Variants in WSB1 observed in about 807,000 individuals in gnomAD.
WSB1 encodes the protein WD repeat and SOCS box-containing protein 1.
In WSB1, 23 loss-of-function variants were observed where a neutral mutation model predicts 50.2. That is an observed-to-expected ratio of 0.46 (90% confidence interval 0.33 to 0.65). The LOEUF (loss-of-function observed/expected upper bound fraction) is 0.65. WSB1 is among the 30% of genes least tolerant of loss of function. The pLI is 0.02. For missense variants in WSB1, 492 were observed against 522.3 expected (o/e 0.94, Z 0.56); for synonymous variants, 179 against 172.0 (o/e 1.04, Z -0.32).
chr17:27,312,545 AG>A lies in WSB1; in HGVS notation c.*177del. On this transcript the variant is annotated 3_prime_UTR_variant, in exon 9 of 9. Transcript: ENST00000262394. ...TAAAATATTATTTATAGACAATAGA[AG>A]TATTTCTGAACATATCAAATATAAA... is the stretch of plus-strand genomic sequence containing the variant. The A allele has an allele frequency of 2.5e-6, 2 of 796,844 alleles. No homozygotes were observed. The highest frequency in any genetic ancestry group is 3.7e-6 in the Non-Finnish European group (2 of 533,486). The allele number at this position is 796,844 out of a possible 1,614,324, so 49.4% of individuals were successfully genotyped here.
At chr17:27,298,719 C>G (rs2017097317) in intron 1 of WSB1, among the ~76,000 whole-genome samples, 1 of 152,018 alleles carries the variant, frequency 6.6e-6, no homozygotes, top group Admixed American at 6.6e-5. Flanking sequence ...TAATAATTAG[C>G]CAGGCATGGT....
intron 1 of WSB1, among the ~76,000 whole-genome samples, chr17:27,298,837 C>T (rs990195720): frequency 6.6e-6 from 1 of 152,036 alleles, no homozygotes; most frequent in African/African-American, 2.4e-5. Flanking sequence ...GCACTCCAGC[C>T]TGGGCGACAG....
intron 1 of WSB1, among the ~76,000 whole-genome samples, chr17:27,296,604 A>G (rs1172498652): frequency 3.3e-5 from 5 of 152,216 alleles, no homozygotes; most frequent in Non-Finnish European, 7.3e-5. Context: ...TTCACAAGGC[A>G]CTGCCACAGA....
chr17:27,299,536 A>G lies in WSB1; in HGVS notation c.41-2252A>G, dbSNP rs943106178. 3.3e-5 allele frequency among the ~76,000 whole-genome samples: 5 copies of G among 152,212 alleles called. No individual in the cohort carries two copies. In the East Asian group the frequency reaches 5.8e-4, roughly 18 times the overall value. On this transcript the variant is annotated intron_variant, in intron 1 of 8. Coordinates refer to ENST00000262394, the MANE Select transcript of WSB1 (RefSeq NM_015626.10). The stretch of plus-strand genomic sequence containing the variant: ...AAAAAAACAAAGTTATGTGACGGCT[A>G]GTAAAGTTAATGTCATCTTATGCTG...
chr17:27,295,839 C>G (rs1286480556), intron 1 of WSB1, among the ~76,000 whole-genome samples: 2 of 132,860 alleles, frequency 1.5e-5, no homozygotes, highest in East Asian at 2.1e-4. Flanking sequence ...TTTTCTCTCT[C>G]TCTTTTTTTT....
chr17:27,304,787 C>G lies in WSB1; in HGVS notation c.486C>G (p.Leu162=). ...IKIWDVYTGK[L]LLNLVDHTEV... ...CTTTTCTATCATATTTAGGAAAACT[C>G]CTCCTTAACTTGGTAGATCATACTG... is the stretch of plus-strand genomic sequence containing the variant. The change falls in exon 4 of 9, where the codon CTC becomes CTG. Residue 162 remains leucine (L), a synonymous_variant. Transcript: ENST00000262394. 2 of 1,612,656 alleles carry G rather than the reference C, an allele frequency of 1.2e-6. No individual in the cohort carries two copies. Among genetic ancestry groups the G allele is most frequent in the Non-Finnish European group, 1.7e-6 (2 of 1,179,416 alleles).
chr17:27,294,366 G>A lies in WSB1; in HGVS notation c.-30G>A, dbSNP rs555516977. The A allele has an allele frequency of 5.0e-6, 8 of 1,611,922 alleles. No individual in the cohort carries two copies. The highest frequency in any genetic ancestry group is 5.9e-6 in the Non-Finnish European group (7 of 1,178,600). ...TCTTCTCTGTTGTTGGGTCCGCATC[G>A]TATTCCCGGAATCAGACGGTGCCCC... On this transcript the variant is annotated 5_prime_UTR_variant, in exon 1 of 9. Transcript: ENST00000262394.
At position 27,312,495 on chromosome 17, in the gene WSB1, ACTG is replaced by A; in HGVS notation, c.*128_*130del. 7.9e-7 allele frequency: 1 copy of A among 1,263,586 alleles called. No homozygotes were observed. Among genetic ancestry groups the A allele is most frequent in the Non-Finnish European group, 1.1e-6 (1 of 910,250 alleles). The allele number at this position is 1,263,586 out of a possible 1,614,324, so 78.3% of individuals were successfully genotyped here. A position where few individuals can be genotyped will look rare whatever the true frequency, so the allele number is the denominator to read the frequency against. ...TTTATTTAATTTGATATGTTCTTGT[ACTG>A]CATTTTGATCAGTTGAGCTTTTAAA... On this transcript the variant is annotated 3_prime_UTR_variant, in exon 9 of 9. Coordinates refer to ENST00000262394, the MANE Select transcript of WSB1 (RefSeq NM_015626.10).
Position 27,313,935 on chromosome 17 carries a change from A to G in WSB1, c.*1566A>G, listed in dbSNP as rs777120706. 5.3e-5 allele frequency: 8 copies of G among 152,246 alleles called. No homozygotes were observed. Among genetic ancestry groups the G allele is most frequent in the South Asian group, 2.1e-4 (1 of 4,838 alleles). The allele number at this position is 152,246 out of a possible 1,614,324, so 9.4% of individuals were successfully genotyped here. A position where few individuals can be genotyped will look rare whatever the true frequency, so the allele number is the denominator to read the frequency against. On this transcript the variant is annotated 3_prime_UTR_variant, in exon 9 of 9. Transcript: ENST00000262394. Reference sequence around the variant, plus strand: ...TCTTTTAGTGGGGAACTACCAGCCTATAGTAAGTCTATCTGGTTAAAGTAG... The same window carrying G: ...TCTTTTAGTGGGGAACTACCAGCCTGTAGTAAGTCTATCTGGTTAAAGTAG...
rs766284261 is a variant in WSB1, at chr17:27,310,056, C to T, written c.885-5C>T. 1 of 1,613,328 alleles carries T rather than the reference C, an allele frequency of 6.2e-7. No homozygotes were observed. The highest frequency in any genetic ancestry group is 1.3e-5 in the African/African-American group (1 of 75,006). On this transcript the variant is annotated splice_polypyrimidine_tract_variant and splice_region_variant and intron_variant, in intron 6 of 8. Transcript: ENST00000262394. The stretch of plus-strand genomic sequence containing the variant: ...TATCCACTGAAAACATATATTTGAC[C>T]TCAGGCACCTGTTTCCCCCACCTAC...
Position 27,294,259 on chromosome 17 carries a change from A to G in WSB1, c.-137A>G. On this transcript the variant is annotated 5_prime_UTR_variant, in exon 1 of 9. Coordinates refer to ENST00000262394, the MANE Select transcript of WSB1 (RefSeq NM_015626.10). ...TCCCGAGGCAGTTAGCAGAAGCCGCAGCGGCCGCCCCCGCCCGTCTCCTCT... is the reference window on the plus strand; with the variant it reads ...TCCCGAGGCAGTTAGCAGAAGCCGCGGCGGCCGCCCCCGCCCGTCTCCTCT... The G allele has an allele frequency of 8.2e-7, 1 of 1,223,192 alleles. No homozygotes were observed. The allele number at this position is 1,223,192 out of a possible 1,614,324, so 75.8% of individuals were successfully genotyped here. A position where few individuals can be genotyped will look rare whatever the true frequency, so the allele number is the denominator to read the frequency against.
intron 1 of WSB1, among the ~76,000 whole-genome samples, chr17:27,295,090 G>T (rs2016898646): frequency 6.6e-6 from 1 of 152,192 alleles, no homozygotes; most frequent in South Asian, 2.1e-4. Context: ...GTCTAGCCCT[G>T]GTCGGCTTAG....
In WSB1 at chr17:27,312,134, T is replaced by C. The variant is rs1047489993; in HGVS notation, c.1107-76T>C. The C allele has an allele frequency of 1.3e-4, 204 of 1,529,328 alleles. 2 individuals carry two copies. Among genetic ancestry groups the C allele is most frequent in the Non-Finnish European group, 3.0e-5 (34 of 1,140,776 alleles). The allele number at this position is 1,529,328 out of a possible 1,614,324, so 94.7% of individuals were successfully genotyped here. On this transcript the variant is annotated intron_variant, in intron 8 of 8. Transcript: ENST00000262394. The stretch of plus-strand genomic sequence containing the variant: ...GACTCCACTACTCACATGTATTGGG[T>C]GATAGTTGTTTGAGCTGTAGCAACA...
In WSB1 at chr17:27,301,900, G is replaced by A. The variant is rs750260115; in HGVS notation, c.153G>A (p.Trp51Ter). 4 of 1,613,124 alleles carry A rather than the reference G, an allele frequency of 2.5e-6. No homozygotes were observed. Among genetic ancestry groups the A allele is most frequent in the African/African-American group, 1.3e-5 (1 of 74,932 alleles). The change falls in exon 2 of 9, where the codon TGG (tryptophan) becomes TGA (stop). Residue 51 changes from tryptophan (W) to a stop codon, truncating the protein, a stop_gained. Transcript: ENST00000262394. LOFTEE classifies it high-confidence loss of function. ...AFAPDGSYFAWSQGHRTVKLV... is the reference protein window; with the variant it reads ...AFAPDGSYFA Reference sequence around the variant, plus strand: ...CTCCAGATGGTTCATACTTTGCTTGGTCACAAGGACATCGCACAGTAAAGC... The same window carrying A: ...CTCCAGATGGTTCATACTTTGCTTGATCACAAGGACATCGCACAGTAAAGC...
chr17:27,307,407 A>G, intron 5 of WSB1: 1 of 345,588 alleles, frequency 2.9e-6, no homozygotes, highest in Non-Finnish European at 5.3e-6. Context: ...GTGACTGTTA[A>G]GAGGGTTATG....
At chr17:27,309,996 G>A (rs1475758402) in intron 6 of WSB1, 65 bp from the exon 7 acceptor site, 8 of 1,278,018 alleles carry the variant, frequency 6.3e-6, no homozygotes, top group South Asian at 1.2e-5. Flanking sequence ...GATGTACTTT[G>A]TACCTGGGTA....
chr17:27,294,690 C>T (rs1482196753), intron 1 of WSB1, among the ~76,000 whole-genome samples: 1 of 152,184 alleles, frequency 6.6e-6, no homozygotes, highest in African/African-American at 2.4e-5. Context: ...CCGGTTTCTT[C>T]GTCGGAGGTC....
intron 4 of WSB1, among the ~76,000 whole-genome samples, chr17:27,306,566 A>G (rs866548182): frequency 2.6e-5 from 4 of 152,254 alleles, no homozygotes; most frequent in Middle Eastern, 3.4e-3. Context: ...CTTGTGAACC[A>G]TGCTGTCTGC....
At position 27,301,951 on chromosome 17, in the gene WSB1, G is replaced by A; in HGVS notation, c.204G>A (p.Gln68=). 6.4e-7 allele frequency: 1 copy of A among 1,572,068 alleles called. No individual in the cohort carries two copies. The highest frequency in any genetic ancestry group is 1.2e-5 in the South Asian group (1 of 83,876). Residue 68 remains glutamine (Q), a synonymous_variant, in exon 2 of 9, where the codon CAG becomes CAA. Coordinates refer to ENST00000262394, the MANE Select transcript of WSB1 (RefSeq NM_015626.10). ...VKLVPWSQCL[Q]NFLLHGTKNV... ...TTGTTCCGTGGTCCCAGTGCCTTCA[G>A]AACTTGTAAGACTGTTACTTTTCTG...
Sources: allele counts gnomAD v4.1 joint callset (sites outside exome capture counted in the v4.1 genomes callset), GRCh38; gene constraint gnomAD v4.1.1; transcripts MANE v1.5; gene names NCBI Gene and HGNC (gene_info 2026-07-23, HGNC 2026-07-21).